Variants in RAB7A observed in about 807,000 individuals in gnomAD.
RAB7A encodes the protein ras-related protein Rab-7a.
In RAB7A, 2 loss-of-function variants were observed where a neutral mutation model predicts 24.5. That is an observed-to-expected ratio of 0.08 (90% CI 0.03 to 0.26). The LOEUF (loss-of-function observed/expected upper bound fraction) is 0.26. Ranked by LOEUF, RAB7A falls within the 10% of genes least tolerant of loss-of-function variation. The probability of loss-of-function intolerance (pLI) is 1.00; values close to 1 mark genes in which losing one functional copy is unlikely to be tolerated. For synonymous variants in RAB7A, 100 were observed against 95.9 expected, an observed-to-expected ratio of 1.04 and a Z score of -0.25; for missense variants, 118 against 255.7, an observed-to-expected ratio of 0.46 and a Z score of 3.67.
intron 1 of RAB7A, among the ~76,000 whole-genome samples, chr3:128,730,735 T>C (rs773297908): frequency 1.3e-5 from 2 of 152,178 alleles, no homozygotes; most frequent in African/African-American, 4.8e-5. Flanking sequence ...GAAGAAAGCT[T>C]GGGAGTTGGT....
intron 1 of RAB7A, among the ~76,000 whole-genome samples, chr3:128,743,428 C>T (rs1031586884): frequency 9.2e-5 from 14 of 152,348 alleles, no homozygotes; most frequent in East Asian, 5.8e-4. Context: ...ACGCCGAGGC[C>T]GAGGAGGTGC....
At position 128,813,863 on chromosome 3, in the gene RAB7A, C is replaced by T. The variant is rs1933982866; in HGVS notation, c.*441C>T. ...CTTGTGGTCTTTTTACCCCCCCTTT[C>T]CCCTCCCTCCTTGAAGGCTACCCCT... is the stretch of plus-strand genomic sequence containing the variant. On this transcript the variant is annotated 3_prime_UTR_variant, in exon 6 of 6. Transcript: ENST00000265062. The T allele has an allele frequency of 2.3e-5, 6 of 263,316 alleles. No homozygotes were observed. In the South Asian group the frequency reaches 2.5e-4, roughly 11 times the overall value. 16.3% of individuals were successfully genotyped at this position (263,316 alleles called of 1,614,324 possible).
chr3:128,741,422 G>A (rs898110410), intron 1 of RAB7A, among the ~76,000 whole-genome samples: 3 of 151,942 alleles, frequency 2.0e-5, no homozygotes, highest in Non-Finnish European at 4.4e-5. Context: ...ATAATATGTC[G>A]GAATCTTTTC....
Position 128,764,817 on chromosome 3 carries a change from G to A in RAB7A, c.-8-30543G>A, listed in dbSNP as rs562975186. 35 of 938,006 alleles carry A rather than the reference G, an allele frequency of 3.7e-5. No individual in the cohort carries two copies. The African/African-American group carries it at 4.7e-4, about 12-fold the overall frequency. 58.1% of individuals were successfully genotyped at this position (938,006 alleles called of 1,614,324 possible). A position where few individuals can be genotyped will look rare whatever the true frequency, so the allele number is the denominator to read the frequency against. On this transcript the variant is annotated intron_variant, in intron 1 of 5. Coordinates refer to ENST00000265062, the MANE Select transcript of RAB7A (RefSeq NM_004637.6). ...AGTTTTGCAGCTTCATCAGTTTCTC[G>A]GCATGTTCCCTCTCCTCATGAGATT...
chr3:128,808,066 A>G (rs1226499006), intron 5 of RAB7A, among the ~76,000 whole-genome samples: 1 of 152,162 alleles, frequency 6.6e-6, no homozygotes, highest in Non-Finnish European at 1.5e-5. Context: ...GGGCTTAAAA[A>G]AAAATTATGG....
At chr3:128,805,391 T>A (rs1933782169) in intron 3 of RAB7A, among the ~76,000 whole-genome samples, 1 of 152,196 alleles carries the variant, frequency 6.6e-6, no homozygotes, top group Admixed American at 6.5e-5. Context: ...GTTGTTATCA[T>A]GTTCGTCCGG....
At chr3:128,793,583 G>C (rs1056345648) in intron 1 of RAB7A, among the ~76,000 whole-genome samples, 11 of 152,170 alleles carry the variant, frequency 7.2e-5, no homozygotes, top group Non-Finnish European at 2.9e-5. Flanking sequence ...ATCATCATCT[G>C]ATCTCTATCT....
chr3:128,813,025 T>G (rs1933957308), intron 5 of RAB7A, among the ~76,000 whole-genome samples: 1 of 152,210 alleles, frequency 6.6e-6, no homozygotes. Flanking sequence ...ATGATCTGAT[T>G]GAGAATGTCC....
chr3:128,763,538 G>A (rs562007806), intron 1 of RAB7A, among the ~76,000 whole-genome samples: 56 of 152,152 alleles, frequency 3.7e-4, no homozygotes, highest in Admixed American at 3.7e-3. Flanking sequence ...TTTTTGACAA[G>A]AATACTTCAT....
At chr3:128,731,209 C>G (rs1308295555) in intron 1 of RAB7A, among the ~76,000 whole-genome samples, 1 of 152,114 alleles carries the variant, frequency 6.6e-6, no homozygotes, top group Non-Finnish European at 1.5e-5. Context: ...ATTGAATAAG[C>G]TTTGTAGTTT....
chr3:128,743,807 T>C (rs77663799), intron 1 of RAB7A, among the ~76,000 whole-genome samples: 1 of 144,504 alleles, frequency 6.9e-6, no homozygotes, highest in South Asian at 2.2e-4. Context: ...TTTTTTTTTT[T>C]CTGAGACAGT....
At chr3:128,739,566 T>C (rs2070529063) in intron 1 of RAB7A, among the ~76,000 whole-genome samples, 1 of 152,032 alleles carries the variant, frequency 6.6e-6, no homozygotes, top group Non-Finnish European at 1.5e-5. Flanking sequence ...TTCTGGATAA[T>C]TTGATGGCTA....
chr3:128,777,485 A>G (rs1933123655), intron 1 of RAB7A, among the ~76,000 whole-genome samples: 1 of 152,188 alleles, frequency 6.6e-6, no homozygotes, highest in African/African-American at 2.4e-5. Flanking sequence ...CACTGCACCC[A>G]GCCTCTATTG....
chr3:128,764,900 A>G, intron 1 of RAB7A: 2 of 1,518,658 alleles, frequency 1.3e-6, no homozygotes, highest in Non-Finnish European at 9.0e-7. Flanking sequence ...TCAAAGTTGT[A>G]AGACACGGAC....
intron 3 of RAB7A, among the ~76,000 whole-genome samples, chr3:128,804,743 T>G (rs1231610355): frequency 2.0e-5 from 3 of 152,234 alleles, no homozygotes; most frequent in African/African-American, 7.2e-5. Context: ...TATGTAATTT[T>G]GCTTGTAGGA....
In RAB7A at chr3:128,813,965, T is replaced by C. The variant is rs1933984468; in HGVS notation, c.*543T>C. 1 of 167,780 alleles carries C rather than the reference T, an allele frequency of 6.0e-6. No individual in the cohort carries two copies. The highest frequency in any genetic ancestry group is 1.4e-4 in the South Asian group (1 of 6,970). 10.4% of individuals were successfully genotyped at this position (167,780 alleles called of 1,614,324 possible). A position where few individuals can be genotyped will look rare whatever the true frequency, so the allele number is the denominator to read the frequency against. ...AGGCTGAGTTTTGTATGTATCTATC[T>C]GTTAATGCTTGTTACTTTTAACTAA... On this transcript the variant is annotated 3_prime_UTR_variant, in exon 6 of 6. Transcript: ENST00000265062.
intron 1 of RAB7A, among the ~76,000 whole-genome samples, chr3:128,750,725 T>G (rs971252511): frequency 1.3e-5 from 2 of 152,214 alleles, no homozygotes; most frequent in Admixed American, 1.3e-4. Flanking sequence ...ATTCAAGCCC[T>G]TACAGAAATT....
At chr3:128,763,075 T>G (rs1208562258) in intron 1 of RAB7A, among the ~76,000 whole-genome samples, 1 of 151,632 alleles carries the variant, frequency 6.6e-6, no homozygotes, top group African/African-American at 2.4e-5. Flanking sequence ...CCTAACAGAG[T>G]GTCCCACATT....
intron 4 of RAB7A, 40 bp from the exon 5 acceptor site, chr3:128,807,503 T>G: frequency 6.2e-7 from 1 of 1,613,032 alleles, no homozygotes. Context: ...TGCTGGCTGC[T>G]TCTGTCATGA....
Sources: allele counts gnomAD v4.1 joint callset (sites outside exome capture counted in the v4.1 genomes callset), GRCh38; gene constraint gnomAD v4.1.1; transcripts MANE v1.5; gene names NCBI Gene and HGNC (gene_info 2026-07-23, HGNC 2026-07-21).